Variants in CDKAL1 observed in about 807,000 individuals in gnomAD.
CDKAL1 encodes threonylcarbamoyladenosine tRNA methylthiotransferase.
Under a neutral mutation model 68.2 loss-of-function variants are expected in CDKAL1, and 32 were observed. The observed-to-expected ratio is 0.47, with a 90% CI of 0.35 to 0.63. CDKAL1 has a LOEUF of 0.63. Ranked by LOEUF, CDKAL1 falls within the 30% of genes least tolerant of loss-of-function variation. The pLI is 0.00. For synonymous variants in CDKAL1, 234 were observed against 244.3 expected, an observed-to-expected ratio of 0.96 and a Z score of 0.39; for missense variants, 606 against 696.7, an observed-to-expected ratio of 0.87 and a Z score of 1.47.
intron 11 of CDKAL1, among the ~76,000 whole-genome samples, chr6:21,053,458 C>T (rs1230656465): frequency 6.6e-6 from 1 of 152,180 alleles, no homozygotes; most frequent in East Asian, 1.9e-4. Context: ...TGTGAGCTTA[C>T]ATTTTCGTTT....
Position 20,981,144 on chromosome 6 carries a change from G to A in CDKAL1, c.910-19083G>A, listed in dbSNP as rs56874957. 2.6e-3 allele frequency among the ~76,000 whole-genome samples: 396 copies of A among 150,364 alleles called. 2 individuals are homozygous for A. The highest frequency in any genetic ancestry group is 8.7e-3 in the African/African-American group (360 of 41,266). On this transcript the variant is annotated intron_variant, in intron 10 of 15. Coordinates refer to ENST00000274695, the MANE Select transcript of CDKAL1 (RefSeq NM_017774.3). ...TCATGCTCTGACAAGGAAATATTGC[G>A]TTCATTTTTGAACTTCTTTTATATA...
chr6:20,896,470 A>G (rs1300438693), intron 9 of CDKAL1, among the ~76,000 whole-genome samples: 1 of 152,186 alleles, frequency 6.6e-6, no homozygotes, highest in Non-Finnish European at 1.5e-5. Flanking sequence ...AATCTTGACC[A>G]AAACAAATTC....
intron 5 of CDKAL1, among the ~76,000 whole-genome samples, chr6:20,714,091 C>A (rs528992502): frequency 1.3e-5 from 2 of 149,160 alleles, no homozygotes; most frequent in Non-Finnish European, 3.0e-5. Flanking sequence ...CAGGATCTAT[C>A]GACCAGGATG....
At chr6:20,990,414 T>C in intron 10 of CDKAL1, among the ~76,000 whole-genome samples, 1 of 152,242 alleles carries the variant, frequency 6.6e-6, no homozygotes, top group East Asian at 1.9e-4. Flanking sequence ...TTGGTAATGG[T>C]AAGGGAACAC....
At chr6:20,649,013 T>A (rs1277409648) in intron 4 of CDKAL1, among the ~76,000 whole-genome samples, 2 of 152,226 alleles carry the variant, frequency 1.3e-5, no homozygotes, top group Admixed American at 1.3e-4. Flanking sequence ...CACTTTAGTT[T>A]GTGGAAATTA....
intron 11 of CDKAL1, among the ~76,000 whole-genome samples, chr6:21,002,979 A>G: frequency 6.6e-6 from 1 of 151,896 alleles, no homozygotes. Flanking sequence ...ACAGAGTGAG[A>G]CCTATCTCAA....
chr6:21,031,728 G>C (rs1769300658), intron 11 of CDKAL1, among the ~76,000 whole-genome samples: 1 of 152,012 alleles, frequency 6.6e-6, no homozygotes, highest in Non-Finnish European at 1.5e-5. Flanking sequence ...TGCTTTAGAG[G>C]TACCCTTTAC....
chr6:21,114,764 A>G (rs980919122), intron 13 of CDKAL1, among the ~76,000 whole-genome samples: 1 of 152,188 alleles, frequency 6.6e-6, no homozygotes, highest in Non-Finnish European at 1.5e-5. Context: ...AAAAGAAAAG[A>G]TAAAAGACGG....
At chr6:21,098,534 CTTT>C (rs34764667) in intron 12 of CDKAL1, among the ~76,000 whole-genome samples, 21,988 of 81,942 alleles carry the variant, frequency 0.27, 1,841 homozygotes, top group South Asian at 0.4. Context: ...GGGTACACAG[CTTT>C]TTTTTTTTTT....
At chr6:20,606,241 A>G (rs1176065644) in intron 4 of CDKAL1, among the ~76,000 whole-genome samples, 1 of 152,220 alleles carries the variant, frequency 6.6e-6, no homozygotes, top group Non-Finnish European at 1.5e-5. Context: ...ATTGGATAAG[A>G]TTAAACAGAA....
At chr6:20,647,721 C>T (rs1768543435) in intron 4 of CDKAL1, among the ~76,000 whole-genome samples, 1 of 152,052 alleles carries the variant, frequency 6.6e-6, no homozygotes, top group Non-Finnish European at 1.5e-5. Context: ...GGTGAATAAT[C>T]TTTTCTGAGT....
chr6:20,860,173 G>A (rs1759539360), intron 9 of CDKAL1, among the ~76,000 whole-genome samples: 2 of 152,234 alleles, frequency 1.3e-5, no homozygotes, highest in African/African-American at 2.4e-5. Context: ...CGCCTCCCGG[G>A]TTCAAGCTAT....
At chr6:20,683,382 T>C (rs1770471294) in intron 5 of CDKAL1, among the ~76,000 whole-genome samples, 1 of 152,040 alleles carries the variant, frequency 6.6e-6, no homozygotes, top group African/African-American at 2.4e-5. Flanking sequence ...TGTGTTAATA[T>C]AGATCCATTA....
At chr6:20,602,469 C>T (rs1024805148) in intron 4 of CDKAL1, among the ~76,000 whole-genome samples, 2 of 151,992 alleles carry the variant, frequency 1.3e-5, no homozygotes, top group Admixed American at 1.3e-4. Context: ...GTCTCTCAGC[C>T]CTTAGGGAGG....
intron 8 of CDKAL1, among the ~76,000 whole-genome samples, chr6:20,798,889 G>A (rs1333907404): frequency 7.1e-6 from 1 of 140,370 alleles, no homozygotes; most frequent in East Asian, 2.1e-4. Flanking sequence ...TTGTGCACGT[G>A]TACCCTAGAA....
At chr6:20,800,347 G>A (rs1444908100) in intron 8 of CDKAL1, among the ~76,000 whole-genome samples, 1 of 152,132 alleles carries the variant, frequency 6.6e-6, no homozygotes. Context: ...ACAAATTTAT[G>A]ACACACTACA....
At chr6:20,564,437 G>T (rs1764381397) in intron 4 of CDKAL1, among the ~76,000 whole-genome samples, 1 of 152,074 alleles carries the variant, frequency 6.6e-6, no homozygotes, top group Non-Finnish European at 1.5e-5. Flanking sequence ...GAAAAAGTGT[G>T]TTGAATGTTT....
intron 4 of CDKAL1, among the ~76,000 whole-genome samples, chr6:20,560,743 T>G (rs1764234318): frequency 6.6e-6 from 1 of 152,208 alleles, no homozygotes; most frequent in African/African-American, 2.4e-5. Flanking sequence ...GGGAAGTGAT[T>G]TGAATATCTC....
chr6:20,687,870 A>G (rs776160206), intron 5 of CDKAL1, among the ~76,000 whole-genome samples: 1 of 149,940 alleles, frequency 6.7e-6, no homozygotes, highest in Non-Finnish European at 1.5e-5. Flanking sequence ...TTTTTATCCT[A>G]TGTAAAGGAT....
Sources: gnomAD v4.1 joint callset for allele counts (sites outside exome capture counted in the v4.1 genomes callset) on GRCh38, gnomAD v4.1.1 for gene constraint, MANE v1.5 for transcripts, NCBI Gene and HGNC (gene_info 2026-07-23, HGNC 2026-07-21) for gene names.